Variants in CEP112 observed in about 807,000 individuals in gnomAD.
CEP112 encodes centrosomal protein of 112 kDa.
In CEP112, 127 loss-of-function variants were observed where a neutral mutation model predicts 153.0. That is an observed-to-expected ratio of 0.83 (90% CI 0.72 to 0.96). The LOEUF is 0.96. CEP112 is among the 40% of genes least tolerant of loss of function. The pLI, the probability that CEP112 is intolerant of heterozygous loss-of-function variation, is 0.00. For synonymous variants in CEP112, 358 were observed against 374.4 expected, an observed-to-expected ratio of 0.96 and a Z score of 0.51; for missense variants, 1,089 against 1,101.2, an observed-to-expected ratio of 0.99 and a Z score of 0.16.
At chr17:65,965,770 G>A (rs151027767) in intron 17 of CEP112, among the ~76,000 whole-genome samples, 5,867 of 152,010 alleles carry the variant, frequency 0.039, 166 homozygotes, top group South Asian at 0.11. Flanking sequence ...GATCCACCCC[G>A]GTCTCCTAAA....
intron 18 of CEP112, among the ~76,000 whole-genome samples, chr17:65,937,537 CCGGCCAGCCGCCCCG>C (rs1387665777): frequency 5.8e-5 from 7 of 121,100 alleles, no homozygotes; most frequent in East Asian, 3.0e-4. Flanking sequence ...GCCCCTCTGC[CCGGCCAGCCGCCCCG>C]TCCGGGAGGG....
intron 23 of CEP112, among the ~76,000 whole-genome samples, chr17:65,700,932 A>G (rs1464922266): frequency 1.3e-5 from 2 of 152,230 alleles, no homozygotes; most frequent in Admixed American, 6.5e-5. Flanking sequence ...TCATTTGTAA[A>G]AAGTCCAGGA....
At chr17:65,780,073 G>A (rs1253450185) in intron 21 of CEP112, among the ~76,000 whole-genome samples, 3 of 152,084 alleles carry the variant, frequency 2.0e-5, no homozygotes, top group Non-Finnish European at 2.9e-5. Flanking sequence ...CACAGAGTTA[G>A]TAACTGTGGT....
chr17:65,892,577 G>T (rs2059507056), intron 20 of CEP112, among the ~76,000 whole-genome samples: 1 of 151,910 alleles, frequency 6.6e-6, no homozygotes. Flanking sequence ...CATCACAGGA[G>T]CGCATTTCCA....
intron 8 of CEP112, among the ~76,000 whole-genome samples, chr17:66,088,619 C>T (rs1568477687): frequency 6.6e-6 from 1 of 152,096 alleles, no homozygotes; most frequent in Non-Finnish European, 1.5e-5. Context: ...ACCTCCCAGT[C>T]AACACCTCTG....
chr17:65,903,542 T>C (rs1296214006), intron 19 of CEP112, among the ~76,000 whole-genome samples: 2 of 152,088 alleles, frequency 1.3e-5, no homozygotes, highest in South Asian at 2.1e-4. Context: ...GATTAAAGAG[T>C]AGCGGGTACC....
intron 21 of CEP112, among the ~76,000 whole-genome samples, chr17:65,754,907 G>A (rs1258880137): frequency 6.6e-6 from 1 of 152,084 alleles, no homozygotes; most frequent in Non-Finnish European, 1.5e-5. Context: ...ACACATGGGG[G>A]CGGGACCCAC....
Position 66,069,861 on chromosome 17 carries a change from A to T in CEP112, c.855+54T>A. 3.0e-6 allele frequency: 3 copies of T among 1,000,668 alleles called. 1 individual carries two copies. The South Asian group carries it at 4.5e-5, about 15-fold the overall frequency. The allele number at this position is 1,000,668 out of a possible 1,614,324, so 62.0% of individuals were successfully genotyped here. ...GGATAACTGGATGGATCATCATAAAACCTAGAATATTTTTAGTGTTCAATA... is the reference window on the plus strand; with the variant it reads ...GGATAACTGGATGGATCATCATAAATCCTAGAATATTTTTAGTGTTCAATA... On this transcript the variant is annotated intron_variant, in intron 9 of 26. Coordinates refer to ENST00000535342, the MANE Select transcript of CEP112 (RefSeq NM_001199165.4).
chr17:65,765,476 T>C (rs1446154892), intron 21 of CEP112, among the ~76,000 whole-genome samples: 2 of 152,062 alleles, frequency 1.3e-5, no homozygotes, highest in African/African-American at 4.8e-5. Flanking sequence ...GCACAAATGA[T>C]TTTTTTCTAC....
chr17:65,941,432 T>C (rs895587847), intron 18 of CEP112: 2 of 152,176 alleles, frequency 1.3e-5, no homozygotes, highest in African/African-American at 4.8e-5. Context: ...ACAAAATGCA[T>C]GTTATTTTAG....
chr17:66,058,115 C>A (rs12941128), intron 11 of CEP112, among the ~76,000 whole-genome samples: 62,186 of 151,196 alleles, frequency 0.41, 14,241 homozygotes, highest in East Asian at 0.87. Context: ...AAACTTCAAG[C>A]AGGTTTACGT....
At chr17:66,161,183 A>G (rs1173184711) in intron 4 of CEP112, among the ~76,000 whole-genome samples, 2 of 152,214 alleles carry the variant, frequency 1.3e-5, no homozygotes, top group African/African-American at 2.4e-5. Flanking sequence ...TCAAGAAACA[A>G]CAGATGCTGG....
chr17:66,159,219 A>AT (rs2071585966), intron 4 of CEP112, among the ~76,000 whole-genome samples: 1 of 152,254 alleles, frequency 6.6e-6, no homozygotes, highest in South Asian at 2.1e-4. Flanking sequence ...TAGCCTACCA[A>AT]CCAAAAAAAG....
At chr17:65,810,309 C>G (rs1430228509) in intron 21 of CEP112, among the ~76,000 whole-genome samples, 1 of 151,996 alleles carries the variant, frequency 6.6e-6, no homozygotes, top group African/African-American at 2.4e-5. Context: ...TCCCCACACA[C>G]ATTTCCTAGC....
chr17:65,793,361 G>A (rs1353583240), intron 21 of CEP112, among the ~76,000 whole-genome samples: 1 of 152,146 alleles, frequency 6.6e-6, no homozygotes, highest in Non-Finnish European at 1.5e-5. Context: ...AGAAGGGAGA[G>A]CATCAGGAAG....
intron 23 of CEP112, among the ~76,000 whole-genome samples, chr17:65,714,372 A>G (rs1436975677): frequency 6.6e-6 from 1 of 152,132 alleles, no homozygotes; most frequent in Non-Finnish European, 1.5e-5. Context: ...AAAAGTCAAC[A>G]CTACATATTT....
chr17:66,169,874 G>C (rs1266543529), intron 4 of CEP112, among the ~76,000 whole-genome samples: 1 of 152,130 alleles, frequency 6.6e-6, no homozygotes, highest in Non-Finnish European at 1.5e-5. Context: ...GTTTCTGCAG[G>C]TCAGAAGTCC....
At chr17:66,057,758 TACACACACACAC>T (rs71160526) in intron 11 of CEP112, among the ~76,000 whole-genome samples, 10 of 142,386 alleles carry the variant, frequency 7.0e-5, no homozygotes, top group South Asian at 2.4e-4. Context: ...AAAATTACTC[TACACACACACAC>T]ACACACACAC....
At chr17:65,748,333 G>A (rs1321276780) in intron 22 of CEP112, among the ~76,000 whole-genome samples, 1 of 152,158 alleles carries the variant, frequency 6.6e-6, no homozygotes, top group African/African-American at 2.4e-5. Context: ...AATAGTATAT[G>A]ATAGTTGTTA....
Sources: allele counts gnomAD v4.1 joint callset (sites outside exome capture counted in the v4.1 genomes callset), GRCh38; gene constraint gnomAD v4.1.1; transcripts MANE v1.5; gene names NCBI Gene and HGNC (gene_info 2026-07-23, HGNC 2026-07-21).